ZC2HC1B: variants seen among roughly 807,000 people sequenced by gnomAD.
ZC2HC1B encodes the protein zinc finger C2HC-type containing 1B.
A neutral mutation model predicts 31.0 loss-of-function variants in ZC2HC1B; 36 were observed. The ratio of observed to expected loss-of-function variants is 1.16; its 90% CI spans 0.89 to 1.54. The LOEUF is 1.54. Among genes scored for constraint, ZC2HC1B ranks in the 40% most tolerant of loss-of-function variants. ZC2HC1B has a pLI of 0.00. For missense variants in ZC2HC1B, 260 were observed against 268.6 expected (o/e 0.97, Z 0.22); for synonymous variants, 73 against 88.0 (o/e 0.83, Z 0.95).
intron 6 of ZC2HC1B, among the ~76,000 whole-genome samples, chr6:143,912,318 G>T (rs1039157182): frequency 6.6e-6 from 1 of 152,172 alleles, no homozygotes; most frequent in Non-Finnish European, 1.5e-5. Flanking sequence ...GAGAGGTGTT[G>T]CAGTCATTTT....
At position 143,905,914 on chromosome 6, in the gene ZC2HC1B, T is replaced by C. The variant is rs1275098420; in HGVS notation, c.598+2762T>C. Among the ~76,000 whole-genome samples, 1 of 152,200 alleles carries C rather than the reference T, an allele frequency of 6.6e-6. No homozygotes were observed. Among genetic ancestry groups the C allele is most frequent in the Non-Finnish European group, 1.5e-5 (1 of 68,032 alleles). ...CCCAGGAACAAATCTCACATGGTCATGGTGTATAATCCTTTTAACATGCTA... is the reference window on the plus strand; with the variant it reads ...CCCAGGAACAAATCTCACATGGTCACGGTGTATAATCCTTTTAACATGCTA... On this transcript the variant is annotated intron_variant, in intron 6 of 7. Transcript: ENST00000237275. This position sits in a 1 kb window ranked among gnomAD's most constrained non-coding sequence, Gnocchi z 4.2.
rs898157779 is a variant in ZC2HC1B, at chr6:143,871,906, G to A, written c.28+7339G>A. On this transcript the variant is annotated intron_variant, in intron 1 of 7. Coordinates refer to ENST00000237275, the MANE Select transcript of ZC2HC1B (RefSeq NM_001013623.3). The surrounding 1 kb of genome is among the most constrained non-coding windows in gnomAD (Gnocchi z 4.1). ...ACAGGATGAGTCCAGGGATCCACTG[G>A]ACCCACTGTAATTCGGACCTGAGCT... Among the ~76,000 whole-genome samples, 1 of 152,030 alleles carries A rather than the reference G, an allele frequency of 6.6e-6. No homozygotes were observed. Among genetic ancestry groups the A allele is most frequent in the African/African-American group, 2.4e-5 (1 of 41,398 alleles).
intron 4 of ZC2HC1B, among the ~76,000 whole-genome samples, chr6:143,889,567 A>G (rs1369341264): frequency 6.6e-6 from 1 of 152,182 alleles, no homozygotes; most frequent in Non-Finnish European, 1.5e-5. Flanking sequence ...CTGCAGGGCA[A>G]GTATTAACAG....
At chr6:143,936,512 A>G (rs1252506889) in intron 6 of ZC2HC1B, among the ~76,000 whole-genome samples, 1 of 152,228 alleles carries the variant, frequency 6.6e-6, no homozygotes, top group African/African-American at 2.4e-5. Flanking sequence ...AAAAGATTCT[A>G]ATGTTCAGAT....
At chr6:143,931,569 C>G (rs1778119075) in intron 6 of ZC2HC1B, among the ~76,000 whole-genome samples, 1 of 152,068 alleles carries the variant, frequency 6.6e-6, no homozygotes, top group Non-Finnish European at 1.5e-5. Context: ...AAGACTTTAT[C>G]TCTCCTTCAT....
rs1169572185 is a variant in ZC2HC1B, at chr6:143,870,703, GA to G, written c.28+6138del. ...ACAGGCCAAGAGCTGTCTCTCAAAA[GA>G]AGAGTAATTATCTGTAGAAGATGGC... On this transcript the variant is annotated intron_variant, in intron 1 of 7. Transcript: ENST00000237275. This position sits in a 1 kb window ranked among gnomAD's most constrained non-coding sequence, Gnocchi z 4.7. 1.3e-5 allele frequency among the ~76,000 whole-genome samples: 2 copies of G among 152,156 alleles called. No individual in the cohort carries two copies. The highest frequency in any genetic ancestry group is 3.9e-4 in the East Asian group (2 of 5,186).
At chr6:143,877,817 C>G (rs1777425725) in intron 1 of ZC2HC1B, among the ~76,000 whole-genome samples, 1 of 150,258 alleles carries the variant, frequency 6.7e-6, no homozygotes, top group African/African-American at 2.5e-5. Flanking sequence ...ATATCAGTAT[C>G]TTTACATATT....
intron 4 of ZC2HC1B, among the ~76,000 whole-genome samples, chr6:143,894,330 A>G (rs1171680965): frequency 2.0e-5 from 3 of 152,230 alleles, no homozygotes; most frequent in Admixed American, 6.5e-5. Context: ...GTTTTGCAAA[A>G]TATTGACTGA....
Position 143,885,908 on chromosome 6 carries a change from A to T in ZC2HC1B, c.91-124A>T. 1 of 1,095,074 alleles carries T rather than the reference A, an allele frequency of 9.1e-7. No homozygotes were observed. The highest frequency in any genetic ancestry group is 1.2e-6 in the Non-Finnish European group (1 of 823,300). The allele number at this position is 1,095,074 out of a possible 1,614,324, so 67.8% of individuals were successfully genotyped here. A position where few individuals can be genotyped will look rare whatever the true frequency, so the allele number is the denominator to read the frequency against. On this transcript the variant is annotated intron_variant, in intron 2 of 7. Coordinates refer to ENST00000237275, the MANE Select transcript of ZC2HC1B (RefSeq NM_001013623.3). This position sits in a 1 kb window ranked among gnomAD's most constrained non-coding sequence, Gnocchi z 4.2. Reference sequence around the variant, plus strand: ...TGGATTTGCTCTGCTGTGACCTGTTAGAGAATGAACTAGGCTCTGAGGAGC... The same window carrying T: ...TGGATTTGCTCTGCTGTGACCTGTTTGAGAATGAACTAGGCTCTGAGGAGC...
intron 6 of ZC2HC1B, among the ~76,000 whole-genome samples, chr6:143,912,915 G>A (rs527528463): frequency 6.6e-6 from 1 of 152,288 alleles, no homozygotes; most frequent in South Asian, 2.1e-4. Context: ...CACAGGCCAG[G>A]GTGACCAGAG....
chr6:143,903,283 G>A lies in ZC2HC1B; in HGVS notation c.598+131G>A. The stretch of plus-strand genomic sequence containing the variant: ...GTTGCTTTTGGATGCAAAGATATTT[G>A]GGTTAGAGGTTAAAGCTTATTTGCC... On this transcript the variant is annotated intron_variant, in intron 6 of 7. Transcript: ENST00000237275. The surrounding 1 kb of genome is among the most constrained non-coding windows in gnomAD (Gnocchi z 4.3). The A allele has an allele frequency of 1.3e-6, 1 of 781,064 alleles. No individual in the cohort carries two copies. Among genetic ancestry groups the A allele is most frequent in the South Asian group, 1.8e-5 (1 of 56,626 alleles). The allele number at this position is 781,064 out of a possible 1,614,324, so 48.4% of individuals were successfully genotyped here. A position where few individuals can be genotyped will look rare whatever the true frequency, so the allele number is the denominator to read the frequency against.
rs1777928984 is a variant in ZC2HC1B, at chr6:143,917,141, A to C, written c.598+13989A>C. On this transcript the variant is annotated intron_variant, in intron 6 of 7. Transcript: ENST00000237275. The surrounding 1 kb of genome is among the most constrained non-coding windows in gnomAD (Gnocchi z 4.1). ...ATTCTCGTGATAGTGAGTAAGTCTC[A>C]TGAGATCTGACGACTTTAAAAAGAG... is the stretch of plus-strand genomic sequence containing the variant. Among the ~76,000 whole-genome samples the C allele has an allele frequency of 6.6e-6, 1 of 152,318 alleles. No individual in the cohort carries two copies. Among genetic ancestry groups the C allele is most frequent in the South Asian group, 2.1e-4 (1 of 4,812 alleles).
At chr6:143,891,693 CAAA>C (rs61241733) in intron 4 of ZC2HC1B, among the ~76,000 whole-genome samples, 3 of 66,874 alleles carry the variant, frequency 4.5e-5, no homozygotes, top group Non-Finnish European at 3.2e-5. Flanking sequence ...AACTCTGTCT[CAAA>C]AAAAAAAAAA....
intron 6 of ZC2HC1B, among the ~76,000 whole-genome samples, chr6:143,920,664 A>G (rs1237908664): frequency 6.6e-6 from 1 of 152,128 alleles, no homozygotes; most frequent in Non-Finnish European, 1.5e-5. Flanking sequence ...TAATCCCAGT[A>G]CTTTGGGAGG....
At chr6:143,904,418 G>T (rs1777770956) in intron 6 of ZC2HC1B, among the ~76,000 whole-genome samples, 1 of 152,070 alleles carries the variant, frequency 6.6e-6, no homozygotes, top group Non-Finnish European at 1.5e-5. Context: ...CTGGAGTGCA[G>T]TGGCACAATC....
At position 143,898,698 on chromosome 6, in the gene ZC2HC1B, A is replaced by C; in HGVS notation, c.489+7A>C. 6.4e-7 allele frequency: 1 copy of C among 1,551,992 alleles called. No individual in the cohort carries two copies. The highest frequency in any genetic ancestry group is 1.7e-4 in the Middle Eastern group (1 of 5,990). On this transcript the variant is annotated splice_region_variant and intron_variant, in intron 5 of 7. Coordinates refer to ENST00000237275, the MANE Select transcript of ZC2HC1B (RefSeq NM_001013623.3). ...ATTGGCATCCAGAGCTCAGGTAACT[A>C]TCTCTCCCCAGGTGTTGGCTCTTGT...
At chr6:143,928,511 T>C (rs1778078157) in intron 6 of ZC2HC1B, among the ~76,000 whole-genome samples, 1 of 152,152 alleles carries the variant, frequency 6.6e-6, no homozygotes, top group Non-Finnish European at 1.5e-5. Flanking sequence ...TTGATTACTA[T>C]AGACTTATAG....
rs929117225 is a variant in ZC2HC1B, at chr6:143,869,099, GT to G, written c.28+4538del. Among the ~76,000 whole-genome samples the G allele has an allele frequency of 5.3e-5, 8 of 152,188 alleles. No individual in the cohort carries two copies. Among genetic ancestry groups the G allele is most frequent in the African/African-American group, 1.9e-4 (8 of 41,434 alleles). On this transcript the variant is annotated intron_variant, in intron 1 of 7. Transcript: ENST00000237275. The surrounding 1 kb of genome is among the most constrained non-coding windows in gnomAD (Gnocchi z 5.2). Reference sequence around the variant, plus strand: ...TCAGCAAGCACCTCAGCAGGTCATGGTTTTTTCCTGGTGGAGTGACCCAAAC... The same window carrying G: ...TCAGCAAGCACCTCAGCAGGTCATGGTTTTTCCTGGTGGAGTGACCCAAAC...
intron 6 of ZC2HC1B, among the ~76,000 whole-genome samples, chr6:143,909,022 C>G (rs1041167418): frequency 1.3e-5 from 2 of 152,064 alleles, no homozygotes; most frequent in African/African-American, 4.8e-5. Context: ...CTTTCTGTAT[C>G]CATTAAGAAA....
Sources: allele counts gnomAD v4.1 joint callset (sites outside exome capture counted in the v4.1 genomes callset), GRCh38; gene constraint gnomAD v4.1.1; non-coding constraint Gnocchi (gnomAD v3.1); transcripts MANE v1.5; gene names NCBI Gene and HGNC (gene_info 2026-07-23, HGNC 2026-07-21).